GRK5: variants seen among roughly 807,000 people sequenced by gnomAD.
GRK5 encodes G protein-coupled receptor kinase 5.
Under a neutral mutation model 78.4 loss-of-function variants are expected in GRK5, and 40 were observed. That is an observed-to-expected ratio of 0.51 (90% CI 0.40 to 0.66). The LOEUF is 0.66. Ranked by LOEUF, GRK5 falls within the 30% of genes least tolerant of loss-of-function variation. The probability of loss-of-function intolerance (pLI) is 0.00; values close to 1 mark genes in which losing one functional copy is unlikely to be tolerated. For missense variants in GRK5, 598 were observed against 759.9 expected (o/e 0.79, Z 2.50); for synonymous variants, 289 against 296.8 (o/e 0.97, Z 0.27).
intron 1 of GRK5, among the ~76,000 whole-genome samples, chr10:119,240,452 C>T (rs892085994): frequency 6.6e-5 from 10 of 152,054 alleles, no homozygotes; most frequent in Non-Finnish European, 1.5e-4. Context: ...CTGCCCGCCT[C>T]AGCCTCCCAA....
rs193224155 is a variant in GRK5 at position 119,435,293 on chromosome 10, C to T, written c.739-1358C>T. Among the ~76,000 whole-genome samples, 17 of 152,334 alleles carry T rather than the reference C, an allele frequency of 1.1e-4. No individual in the cohort carries two copies. The East Asian group carries it at 3.1e-3, about 28-fold the overall frequency. The stretch of plus-strand genomic sequence containing the variant: ...TTTAGGCAGCCAGCCTGAATTTCTC[C>T]TCAGAAAATGGGATTTTCTTTTCTA... On this transcript the variant is annotated intron_variant, in intron 8 of 15. Coordinates refer to ENST00000392870, the MANE Select transcript of GRK5 (RefSeq NM_005308.3).
At chr10:119,275,545 G>C (rs1372143229) in intron 1 of GRK5, among the ~76,000 whole-genome samples, 1 of 151,442 alleles carries the variant, frequency 6.6e-6, no homozygotes. Flanking sequence ...TTGGAACTGG[G>C]GTCCAGTCTG....
At chr10:119,381,377 G>A (rs1480654656) in intron 3 of GRK5, among the ~76,000 whole-genome samples, 1 of 152,218 alleles carries the variant, frequency 6.6e-6, no homozygotes, top group Admixed American at 6.5e-5. Flanking sequence ...GCAGGACCCT[G>A]GGCTTCCTGT....
chr10:119,407,476 C>A (rs568372114), intron 4 of GRK5, among the ~76,000 whole-genome samples: 1 of 152,230 alleles, frequency 6.6e-6, no homozygotes, highest in Non-Finnish European at 1.5e-5. Flanking sequence ...CTGAGACATT[C>A]GTAATGTCTG....
In GRK5 at chr10:119,452,482, C is replaced by G. The variant is rs1853307224; in HGVS notation, c.1405-189C>G. The G allele has an allele frequency of 1.7e-6, 1 of 595,316 alleles. No homozygotes were observed. Among genetic ancestry groups the G allele is most frequent in the African/African-American group, 1.9e-5 (1 of 53,638 alleles). 36.9% of individuals were successfully genotyped at this position (595,316 alleles called of 1,614,324 possible). The stretch of plus-strand genomic sequence containing the variant: ...AGGTGGACAGGAAGCCCAGCCAAGC[C>G]ACTGGGGCCGACCCCTCCCCTGGAC... On this transcript the variant is annotated intron_variant, in intron 13 of 15. Transcript: ENST00000392870. This position sits in a 1 kb window ranked among gnomAD's most constrained non-coding sequence, Gnocchi z 4.4.
rs574779933 is a variant in GRK5, at chr10:119,282,080, A to G, written c.53-44436A>G. On this transcript the variant is annotated intron_variant, in intron 1 of 15. Transcript: ENST00000392870. The stretch of plus-strand genomic sequence containing the variant: ...CTGTCGCTTTCTGTGTGATCTCCCC[A>G]TGCCAGTGTGCCCTGCTGTGATTTG... Among the ~76,000 whole-genome samples the G allele has an allele frequency of 2.3e-4, 35 of 151,914 alleles. No homozygotes were observed. In the East Asian group the frequency reaches 6.8e-3, roughly 29 times the overall value.
intron 4 of GRK5, among the ~76,000 whole-genome samples, chr10:119,414,360 A>C (rs1296156869): frequency 6.6e-6 from 1 of 152,248 alleles, no homozygotes; most frequent in Non-Finnish European, 1.5e-5. Context: ...GAAGTGAAGC[A>C]TATGTTGGAC....
chr10:119,250,329 T>C (rs1849179538), intron 1 of GRK5, among the ~76,000 whole-genome samples: 1 of 152,156 alleles, frequency 6.6e-6, no homozygotes. Context: ...TACAACTTTC[T>C]TTGCCATTCT....
intron 1 of GRK5, among the ~76,000 whole-genome samples, chr10:119,237,816 G>T (rs1442480662): frequency 2.6e-5 from 4 of 152,156 alleles, no homozygotes; most frequent in African/African-American, 9.7e-5. Context: ...GGAAGCAAGT[G>T]CGCTGGGAAA....
At chr10:119,302,583 A>G (rs971927325) in intron 1 of GRK5, among the ~76,000 whole-genome samples, 2 of 152,126 alleles carry the variant, frequency 1.3e-5, no homozygotes, top group Admixed American at 1.3e-4. Context: ...CCACATTTCT[A>G]CCTGCTCCCC....
rs1350379301 is a variant in GRK5 at position 119,455,403 on chromosome 10, G to C, written c.*336G>C. 2 of 479,416 alleles carry C rather than the reference G, an allele frequency of 4.2e-6. No individual in the cohort carries two copies. The highest frequency in any genetic ancestry group is 7.8e-6 in the Non-Finnish European group (2 of 256,432). 29.7% of individuals were successfully genotyped at this position (479,416 alleles called of 1,614,324 possible). A position where few individuals can be genotyped will look rare whatever the true frequency, so the allele number is the denominator to read the frequency against. On this transcript the variant is annotated 3_prime_UTR_variant, in exon 16 of 16. Transcript: ENST00000392870. The stretch of plus-strand genomic sequence containing the variant: ...TTTATGATTTTTAAAGAAAAGTTTT[G>C]TAAATTTCTCTACTGTCTCAGTTTA...
At chr10:119,218,390 C>T (rs1460751489) in intron 1 of GRK5, among the ~76,000 whole-genome samples, 1 of 152,138 alleles carries the variant, frequency 6.6e-6, no homozygotes, top group African/African-American at 2.4e-5. Flanking sequence ...AATTGCTCTG[C>T]AAGTCTGATA....
intron 1 of GRK5, among the ~76,000 whole-genome samples, chr10:119,222,534 G>A (rs535382008): frequency 6.6e-6 from 1 of 152,100 alleles, no homozygotes; most frequent in South Asian, 2.1e-4. Context: ...GGGCCCTACG[G>A]TTCCCACCTG....
At chr10:119,214,230 C>A (rs1243883391) in intron 1 of GRK5, among the ~76,000 whole-genome samples, 1 of 152,202 alleles carries the variant, frequency 6.6e-6, no homozygotes, top group African/African-American at 2.4e-5. Context: ...CTGCCTTGGC[C>A]TCTCAAAGTG....
chr10:119,340,253 A>G lies in GRK5; in HGVS notation c.148+13642A>G, dbSNP rs553504107. Among the ~76,000 whole-genome samples the G allele has an allele frequency of 1.5e-3, 226 of 151,618 alleles. 3 individuals carry two copies. Among genetic ancestry groups the G allele is most frequent in the Middle Eastern group, 0.01 (3 of 292 alleles). Reference sequence around the variant, plus strand: ...ATGATTCTCATGCCTCAGCCTCCCAAGTAGCTGGGATTACAGGTGTGCGCC... The same window carrying G: ...ATGATTCTCATGCCTCAGCCTCCCAGGTAGCTGGGATTACAGGTGTGCGCC... On this transcript the variant is annotated intron_variant, in intron 2 of 15. Transcript: ENST00000392870.
At chr10:119,328,692 G>C (rs1488435739) in intron 2 of GRK5, among the ~76,000 whole-genome samples, 1 of 152,244 alleles carries the variant, frequency 6.6e-6, no homozygotes, top group Non-Finnish European at 1.5e-5. Context: ...CTGGGGTGTT[G>C]AGTTGGAGGT....
chr10:119,446,575 C>T (rs1853152947), intron 12 of GRK5, among the ~76,000 whole-genome samples: 1 of 152,012 alleles, frequency 6.6e-6, no homozygotes. Flanking sequence ...CAGTGCAGCA[C>T]CTGGGCCCAG....
At chr10:119,401,978 CAG>C (rs1354671090) in intron 4 of GRK5, among the ~76,000 whole-genome samples, 1 of 152,196 alleles carries the variant, frequency 6.6e-6, no homozygotes, top group Non-Finnish European at 1.5e-5. Flanking sequence ...CTGGGTGACT[CAG>C]GGATCCTGGC....
At chr10:119,405,138 G>A (rs1449104120) in intron 4 of GRK5, among the ~76,000 whole-genome samples, 2 of 152,174 alleles carry the variant, frequency 1.3e-5, no homozygotes, top group Admixed American at 1.3e-4. Flanking sequence ...TCTAGGGGAA[G>A]CTCAAACCCA....
Sources: gnomAD v4.1 joint callset for allele counts (sites outside exome capture counted in the v4.1 genomes callset) on GRCh38, gnomAD v4.1.1 for gene constraint, Gnocchi (gnomAD v3.1) non-coding constraint, MANE v1.5 for transcripts, NCBI Gene and HGNC (gene_info 2026-07-23, HGNC 2026-07-21) for gene names.